ASRGL1: variants seen among roughly 807,000 people sequenced by gnomAD.
ASRGL1 encodes isoaspartyl peptidase/L-asparaginase.
A neutral mutation model predicts 22.4 loss-of-function variants in ASRGL1; 16 were observed. That is an observed-to-expected ratio of 0.71 (90% CI 0.48 to 1.08). The LOEUF (loss-of-function observed/expected upper bound fraction) is 1.08, where lower values mean the gene tolerates loss of function less well. Among genes scored for constraint, ASRGL1 ranks in the 50% least tolerant of loss-of-function variants. The probability of loss-of-function intolerance (pLI) is 0.00; values close to 1 mark genes in which losing one functional copy is unlikely to be tolerated. For missense variants in ASRGL1, 412 were observed against 410.1 expected, an observed-to-expected ratio of 1.00 and a Z score of -0.04; for synonymous variants, 165 against 159.3, an observed-to-expected ratio of 1.04 and a Z score of -0.27.
chr11:62,370,182 G>A (rs540810941), intron 4 of ASRGL1, among the ~76,000 whole-genome samples: 39 of 152,188 alleles, frequency 2.6e-4, no homozygotes, highest in African/African-American at 9.2e-4. Context: ...CCCACAGTCG[G>A]TCCATGGACA....
intron 4 of ASRGL1, among the ~76,000 whole-genome samples, chr11:62,383,664 G>A (rs1160250253): frequency 1.4e-5 from 2 of 144,846 alleles, no homozygotes; most frequent in Non-Finnish European, 3.0e-5. Flanking sequence ...GCTCACGCCT[G>A]TAATCCCAGC....
At chr11:62,397,630 C>T (rs1332325730), downstream of ASRGL1, among the ~76,000 whole-genome samples, 1 of 147,620 alleles carries the variant, frequency 6.8e-6, no homozygotes, top group African/African-American at 2.5e-5. Context: ...CGCCATTGCA[C>T]TCCAGCCTGG....
chr11:62,364,734 A>G (rs182757908), intron 4 of ASRGL1, among the ~76,000 whole-genome samples: 85 of 152,320 alleles, frequency 5.6e-4, no homozygotes, highest in African/African-American at 1.5e-3. Context: ...ACAGAAAGAT[A>G]CTACATGATC....
At chr11:62,367,265 G>C (rs1391539803) in intron 4 of ASRGL1, among the ~76,000 whole-genome samples, 1 of 152,020 alleles carries the variant, frequency 6.6e-6, no homozygotes, top group African/African-American at 2.4e-5. Context: ...ATGAACCCGG[G>C]AGGAGGAGCT....
intron 4 of ASRGL1, among the ~76,000 whole-genome samples, chr11:62,365,520 C>T (rs1406234576): frequency 6.6e-6 from 1 of 151,988 alleles, no homozygotes; most frequent in Non-Finnish European, 1.5e-5. Context: ...CGCCACTGCA[C>T]TCCAGCCTGG....
rs1388950289 is a variant in ASRGL1 at position 62,392,661 on chromosome 11, CTG to C, written c.*380_*381del. On this transcript the variant is annotated 3_prime_UTR_variant, in exon 7 of 7. Coordinates refer to ENST00000415229, the MANE Select transcript of ASRGL1 (RefSeq NM_001083926.2). ...GTGGGAGACCCACAGCCTGCAGACA[CTG>C]TGGGCTGGAAGGTGGGAAGGGAGGG... The C allele has an allele frequency of 7.9e-6, 2 of 254,162 alleles. No homozygotes were observed. Among genetic ancestry groups the C allele is most frequent in the Non-Finnish European group, 1.5e-5 (2 of 130,294 alleles). The allele number at this position is 254,162 out of a possible 1,614,324, so 15.7% of individuals were successfully genotyped here.
At chr11:62,358,015 A>G (rs1477904019) in intron 4 of ASRGL1, among the ~76,000 whole-genome samples, 1 of 152,226 alleles carries the variant, frequency 6.6e-6, no homozygotes, top group Admixed American at 6.5e-5. Flanking sequence ...AGACAGGTAT[A>G]TTATAAAAAG....
At chr11:62,371,991 C>A in intron 4 of ASRGL1, 2 of 653,760 alleles carry the variant, frequency 3.1e-6, no homozygotes, top group Non-Finnish European at 5.5e-6. Context: ...AAACAGGAAG[C>A]TGCGTACGGC....
At chr11:62,386,893 AT>A (rs34472338) in intron 4 of ASRGL1, among the ~76,000 whole-genome samples, 1,578 of 143,802 alleles carry the variant, frequency 0.011, 17 homozygotes, top group African/African-American at 0.032. Context: ...GGAAAGAATG[AT>A]TTTTTTTTTT....
chr11:62,361,280 C>T (rs1411541504), intron 4 of ASRGL1, among the ~76,000 whole-genome samples: 1 of 151,982 alleles, frequency 6.6e-6, no homozygotes, highest in East Asian at 1.9e-4. Flanking sequence ...CAGCCTCAAT[C>T]TCCCAGGCTC....
chr11:62,392,990 G>A lies in ASRGL1; in HGVS notation c.*706G>A, dbSNP rs1186832790. On this transcript the variant is annotated 3_prime_UTR_variant, in exon 7 of 7. Transcript: ENST00000415229. ...TGTGGGGTTCCTTGAAGTTTCTTGGGTTCACAGAGGAGCCCCCTCACTTGG... is the reference window on the plus strand; with the variant it reads ...TGTGGGGTTCCTTGAAGTTTCTTGGATTCACAGAGGAGCCCCCTCACTTGG... 6.6e-6 allele frequency: 1 copy of A among 152,394 alleles called. No individual in the cohort carries two copies. The highest frequency in any genetic ancestry group is 1.5e-5 in the Non-Finnish European group (1 of 68,228). The allele number at this position is 152,394 out of a possible 1,614,324, so 9.4% of individuals were successfully genotyped here.
chr11:62,339,712 A>G (rs1945818300), intron 2 of ASRGL1, among the ~76,000 whole-genome samples: 1 of 152,202 alleles, frequency 6.6e-6, no homozygotes, highest in Admixed American at 6.5e-5. Context: ...TGAGTTAGGT[A>G]TAAGTTAGGC....
In ASRGL1 at chr11:62,392,564, G is replaced by T; in HGVS notation, c.*280G>T. 15 of 301,584 alleles carry T rather than the reference G, an allele frequency of 5.0e-5. No individual in the cohort carries two copies. Among genetic ancestry groups the T allele is most frequent in the Non-Finnish European group, 7.7e-5 (13 of 169,502 alleles). The allele number at this position is 301,584 out of a possible 1,614,324, so 18.7% of individuals were successfully genotyped here. ...AGCCTGGGCAACAGAGCCAGGCCCT[G>T]TATCAAAAAAAAAAAAAAAAAGAAA... On this transcript the variant is annotated 3_prime_UTR_variant, in exon 7 of 7. Transcript: ENST00000415229.
At chr11:62,377,283 TAC>T (rs1258532835) in intron 4 of ASRGL1, among the ~76,000 whole-genome samples, 1 of 152,236 alleles carries the variant, frequency 6.6e-6, no homozygotes, top group Non-Finnish European at 1.5e-5. Context: ...TTCTGTTTCT[TAC>T]AGTTTGTTGT....
At chr11:62,394,303 A>T (rs1163284140), downstream of ASRGL1, among the ~76,000 whole-genome samples, 1 of 139,296 alleles carries the variant, frequency 7.2e-6, no homozygotes, top group African/African-American at 2.6e-5. Context: ...ATTATATATT[A>T]TATAAAAATA....
At chr11:62,373,282 G>A (rs1013253650) in intron 4 of ASRGL1, 12 of 670,540 alleles carry the variant, frequency 1.8e-5, no homozygotes, top group Non-Finnish European at 2.9e-5. Context: ...AAAGTGGACC[G>A]AAGGTGCATT....
intron 4 of ASRGL1, among the ~76,000 whole-genome samples, chr11:62,360,175 G>A (rs1016716325): frequency 6.6e-6 from 1 of 151,554 alleles, no homozygotes; most frequent in African/African-American, 2.4e-5. Context: ...TTACAGGTGT[G>A]CGCCACCACG....
At chr11:62,401,378 A>G in the ASRGL1 span, among the ~76,000 whole-genome samples, 2 of 152,340 alleles carry the variant, frequency 1.3e-5, no homozygotes, top group African/African-American at 2.4e-5. Flanking sequence ...TGTCTTGCTC[A>G]TAGCCATTCT....
At chr11:62,380,241 TG>T (rs1247043165) in intron 4 of ASRGL1, among the ~76,000 whole-genome samples, 1 of 152,158 alleles carries the variant, frequency 6.6e-6, no homozygotes, top group Non-Finnish European at 1.5e-5. Flanking sequence ...AGTGGCTGAT[TG>T]ACACTCAGGA....
Sources: gnomAD v4.1 joint callset for allele counts (sites outside exome capture counted in the v4.1 genomes callset) on GRCh38, gnomAD v4.1.1 for gene constraint, MANE v1.5 for transcripts, NCBI Gene and HGNC (gene_info 2026-07-23, HGNC 2026-07-21) for gene names.